The following FHL3 variants were observed in gnomAD, a reference collection of about 807,000 sequenced individuals.
FHL3 encodes four and a half LIM domains 3, also known as four and a half LIM domains protein 3.
FHL3 carries 21 observed loss-of-function variants against 34.3 expected under a neutral mutation model. That is an observed-to-expected ratio of 0.61 (90% CI 0.43 to 0.88). The LOEUF is 0.88. Ranked by LOEUF, FHL3 falls within the 40% of genes least tolerant of loss-of-function variation. The pLI, the probability that FHL3 is intolerant of heterozygous loss-of-function variation, is 0.00. For synonymous variants in FHL3, 137 were observed against 144.6 expected (o/e 0.95, Z 0.38); for missense variants, 333 against 373.7 (o/e 0.89, Z 0.90).
At chr1:37,999,561 G>C (rs1646572444) in intron 1 of FHL3, 129 bp from the exon 2 acceptor site, 2 of 817,382 alleles carry the variant, frequency 2.4e-6, no homozygotes, top group African/African-American at 3.4e-5. Context: ...AGAGTAGGTG[G>C]GGATGGGGAA....
intron 3 of FHL3, chr1:37,998,572 T>G (rs1320556325): frequency 3.7e-6 from 1 of 269,378 alleles, no homozygotes; most frequent in African/African-American, 2.2e-5. Flanking sequence ...CCCTCGCATC[T>G]CCTCGGCACA....
chr1:37,998,571 C>G (rs758514132), intron 3 of FHL3: 2 of 270,390 alleles, frequency 7.4e-6, no homozygotes, highest in African/African-American at 2.2e-5. Context: ...GCCCTCGCAT[C>G]TCCTCGGCAC....
intron 1 of FHL3, among the ~76,000 whole-genome samples, chr1:38,001,094 T>C (rs766725058): frequency 6.6e-6 from 1 of 152,224 alleles, no homozygotes; most frequent in Non-Finnish European, 1.5e-5. Flanking sequence ...TGACTCTCCA[T>C]ACATCAAGCC....
intron 3 of FHL3, 67 bp downstream of exon 3, chr1:37,998,907 G>T (rs1646563352): frequency 6.6e-7 from 1 of 1,520,288 alleles, no homozygotes; most frequent in Non-Finnish European, 9.1e-7. Flanking sequence ...CCATGTATCA[G>T]ACAGACACAT....
Position 37,997,860 on chromosome 1 carries a change from T to C in FHL3, c.512A>G (p.Gln171Arg). The change falls in exon 5 of 6, where the codon CAG becomes CGG. Residue 171 changes from glutamine to arginine, a missense_variant. Transcript: ENST00000373016. The surrounding 1 kb of genome is among the most constrained non-coding windows in gnomAD (Gnocchi z 4.3). ...CTGATCACGGTATGTCACTCCACCC[T>C]GTGTCAGCGTCTGTGGGGGCAGCAT... ...RCARCSKTLT[Q>R]GGVTYRDQPW... The C allele has an allele frequency of 6.2e-7, 1 of 1,613,668 alleles. No individual in the cohort carries two copies. Among genetic ancestry groups the C allele is most frequent in the Non-Finnish European group, 8.5e-7 (1 of 1,179,632 alleles).
intron 1 of FHL3, among the ~76,000 whole-genome samples, chr1:38,004,455 G>A (rs1646624156): frequency 6.6e-6 from 1 of 152,060 alleles, no homozygotes; most frequent in Non-Finnish European, 1.5e-5. Flanking sequence ...CCTGGAAGCT[G>A]TCAGACCACC....
In FHL3 at chr1:37,997,270, T is replaced by C. The variant is rs901832836; in HGVS notation, c.*135A>G. 8 of 906,066 alleles carry C rather than the reference T, an allele frequency of 8.8e-6. No individual in the cohort carries two copies. Among genetic ancestry groups the C allele is most frequent in the Non-Finnish European group, 1.2e-5 (7 of 592,278 alleles). 56.1% of individuals were successfully genotyped at this position (906,066 alleles called of 1,614,324 possible). On this transcript the variant is annotated 3_prime_UTR_variant, in exon 6 of 6. Coordinates refer to ENST00000373016, the MANE Select transcript of FHL3 (RefSeq NM_004468.5). The surrounding 1 kb of genome is among the most constrained non-coding windows in gnomAD (Gnocchi z 4.3). The stretch of plus-strand genomic sequence containing the variant: ...GAGTACCAGTTTGGGGATGCTGGAG[T>C]GGGGAGACAATCCTGGAGCCCAGAA...
At position 37,997,673 on chromosome 1, in the gene FHL3, C is replaced by T. The variant is rs770223817; in HGVS notation, c.688+11G>A. The T allele has an allele frequency of 6.2e-7, 1 of 1,613,814 alleles. No homozygotes were observed. Among genetic ancestry groups the T allele is most frequent in the Non-Finnish European group, 8.5e-7 (1 of 1,179,810 alleles). ...CACCCTACCCACTCCGTTCTTTGACCCTTGTCCCACCTACGATGGGGCGCT... is the reference window on the plus strand; with the variant it reads ...CACCCTACCCACTCCGTTCTTTGACTCTTGTCCCACCTACGATGGGGCGCT... On this transcript the variant is annotated intron_variant, in intron 5 of 5. Transcript: ENST00000373016. The surrounding 1 kb of genome is among the most constrained non-coding windows in gnomAD (Gnocchi z 4.3).
intron 1 of FHL3, among the ~76,000 whole-genome samples, chr1:38,003,914 C>T (rs1173964414): frequency 6.6e-6 from 1 of 152,158 alleles, no homozygotes; most frequent in East Asian, 1.9e-4. Context: ...CACCCAGAAG[C>T]CTTTCCAATG....
intron 1 of FHL3, 141 bp from the exon 2 acceptor site, chr1:37,999,573 G>C (rs1363081378): frequency 8.5e-6 from 6 of 706,020 alleles, no homozygotes; most frequent in Non-Finnish European, 1.4e-5. Flanking sequence ...GATGGGGAAG[G>C]GGTGCTTCTG....
intron 3 of FHL3, 47 bp downstream of exon 3, chr1:37,998,927 C>T (rs756720859): frequency 5.7e-6 from 9 of 1,588,592 alleles, no homozygotes; most frequent in African/African-American, 1.3e-5. Flanking sequence ...TGCAAAGACC[C>T]TACGCAGATG....
chr1:38,001,914 A>C (rs1485550433), intron 1 of FHL3, among the ~76,000 whole-genome samples: 1 of 152,184 alleles, frequency 6.6e-6, no homozygotes, highest in Non-Finnish European at 1.5e-5. Context: ...ATTAAATGAG[A>C]TACTACCACT....
chr1:37,998,158 G>A lies in FHL3; in HGVS notation c.332-26C>T, dbSNP rs774652683. On this transcript the variant is annotated intron_variant, in intron 3 of 5. Coordinates refer to ENST00000373016, the MANE Select transcript of FHL3 (RefSeq NM_004468.5). ...CTGTGGGGAACAGGGGTCCCATTTA[G>A]AGGTTGTGTCCCATGCTCCTGAGGG... 3 of 1,611,734 alleles carry A rather than the reference G, an allele frequency of 1.9e-6. No homozygotes were observed. The Admixed American group carries it at 5.0e-5, about 27-fold the overall frequency.
At chr1:38,003,743 C>CCCCTGCCTCCCAGCCCAGAGCT (rs1646617741) in intron 1 of FHL3, among the ~76,000 whole-genome samples, 1 of 152,174 alleles carries the variant, frequency 6.6e-6, no homozygotes, top group Non-Finnish European at 1.5e-5. Flanking sequence ...GGACCCAGGT[C>CCCCTGCCTCCCAGCCCAGAGCT]CCCTGCCTCC....
At chr1:38,002,906 C>T (rs1646610025) in intron 1 of FHL3, among the ~76,000 whole-genome samples, 1 of 151,848 alleles carries the variant, frequency 6.6e-6, no homozygotes, top group Non-Finnish European at 1.5e-5. Flanking sequence ...ACCTGTAATC[C>T]CAGCACTTTG....
rs1168719797 is a variant in FHL3, at chr1:37,997,155, G to A, written c.*250C>T. ...TCAGTCTGGGAACCCAGACTGCAGGGGAGAGGGTGAATTCTGGAGTCCAGG... is the reference window on the plus strand; with the variant it reads ...TCAGTCTGGGAACCCAGACTGCAGGAGAGAGGGTGAATTCTGGAGTCCAGG... On this transcript the variant is annotated 3_prime_UTR_variant, in exon 6 of 6. Transcript: ENST00000373016. This position sits in a 1 kb window ranked among gnomAD's most constrained non-coding sequence, Gnocchi z 4.3. 2 of 489,474 alleles carry A rather than the reference G, an allele frequency of 4.1e-6. No individual in the cohort carries two copies. The highest frequency in any genetic ancestry group is 2.0e-5 in the African/African-American group (1 of 51,236). The allele number at this position is 489,474 out of a possible 1,614,324, so 30.3% of individuals were successfully genotyped here.
At chr1:37,998,467 G>A (rs909435222) in intron 3 of FHL3, among the ~76,000 whole-genome samples, 2 of 152,088 alleles carry the variant, frequency 1.3e-5, no homozygotes, top group African/African-American at 4.8e-5. Flanking sequence ...GATGATTTTA[G>A]CACTCACATG....
intron 1 of FHL3, among the ~76,000 whole-genome samples, chr1:38,003,464 A>T (rs976583542): frequency 1.3e-5 from 2 of 152,156 alleles, no homozygotes; most frequent in Admixed American, 6.5e-5. Context: ...AGGGGGCCCC[A>T]GGCCCATGGG....
intron 1 of FHL3, among the ~76,000 whole-genome samples, chr1:38,000,809 G>A (rs1359974494): frequency 6.6e-6 from 1 of 152,138 alleles, no homozygotes; most frequent in Non-Finnish European, 1.5e-5. Context: ...GGGATCCTGG[G>A]GTAGTGGAGA....
Sources: allele counts gnomAD v4.1 joint callset (sites outside exome capture counted in the v4.1 genomes callset), GRCh38; gene constraint gnomAD v4.1.1; non-coding constraint Gnocchi (gnomAD v3.1); transcripts MANE v1.5; gene names NCBI Gene and HGNC (gene_info 2026-07-23, HGNC 2026-07-21).